RNLS: variants seen among roughly 807,000 people sequenced by gnomAD.
RNLS encodes renalase, FAD dependent amine oxidase, also known as renalase.
Under a neutral mutation model 39.8 loss-of-function variants are expected in RNLS, and 39 were observed. The ratio of observed to expected loss-of-function variants is 0.98; its 90% CI spans 0.76 to 1.28. RNLS has a LOEUF of 1.28. Ranked by LOEUF, RNLS falls within the 50% of genes most tolerant of loss-of-function variation. The pLI is 0.00. For synonymous variants in RNLS, 147 were observed against 150.7 expected, an observed-to-expected ratio of 0.98 and a Z score of 0.18; for missense variants, 410 against 413.3, an observed-to-expected ratio of 0.99 and a Z score of 0.07.
At chr10:88,480,819 G>GTA (rs1554903381) in intron 4 of RNLS, among the ~76,000 whole-genome samples, 42 of 151,418 alleles carry the variant, frequency 2.8e-4, no homozygotes, top group Admixed American at 5.3e-4. Context: ...GTGTGTGTGT[G>GTA]TATGTGTTCT....
Position 88,284,642 on chromosome 10 carries a change from T to C in RNLS, c.*712A>G, listed in dbSNP as rs1843146947. ...ATATAGCAAAAGGTAAGGATCGATA[T>C]ACTTTCTCTCTGTTTCTATTTAATT... On this transcript the variant is annotated 3_prime_UTR_variant, in exon 7 of 7. Transcript: ENST00000331772. 1 of 985,216 alleles carries C rather than the reference T, an allele frequency of 1.0e-6. No individual in the cohort carries two copies. Among genetic ancestry groups the C allele is most frequent in the Non-Finnish European group, 1.2e-6 (1 of 829,760 alleles). 61.0% of individuals were successfully genotyped at this position (985,216 alleles called of 1,614,324 possible).
intron 4 of RNLS, among the ~76,000 whole-genome samples, chr10:88,569,128 CT>C (rs1412052492): frequency 1.3e-5 from 2 of 152,148 alleles, no homozygotes; most frequent in African/African-American, 4.8e-5. Flanking sequence ...CCTTCTAGTT[CT>C]TTTTGTCAGG....
In RNLS at chr10:88,425,744, G is replaced by A. The variant is rs565989936; in HGVS notation, c.527-63019C>T. Among the ~76,000 whole-genome samples, 108 of 152,184 alleles carry A rather than the reference G, an allele frequency of 7.1e-4. 1 individual carries two copies. In the South Asian group the frequency reaches 8.5e-3, roughly 12 times the overall value. ...ATTGGTTTAGACATCAGCTGCTATA[G>A]AAGGTTAGAAAAAGGTGAAATGACT... On this transcript the variant is annotated intron_variant, in intron 4 of 6. Transcript: ENST00000331772.
the RNLS span, among the ~76,000 whole-genome samples, chr10:88,220,519 A>C: frequency 3.9e-5 from 6 of 152,214 alleles, no homozygotes; most frequent in Non-Finnish European, 1.5e-5. Flanking sequence ...TCTTCCTTTG[A>C]TAGATGAGAA....
In RNLS at chr10:88,522,204, GGTA is replaced by G. The variant is rs148666320; in HGVS notation, c.526+50696_526+50698del. On this transcript the variant is annotated intron_variant, in intron 4 of 6. Coordinates refer to ENST00000331772, the MANE Select transcript of RNLS (RefSeq NM_001031709.3). ...TTGTCAATACATTAATAGTTTGCATGGTAGTAGTACAGACAGTGCCTGAAATAA... is the reference window on the plus strand; with the variant it reads ...TTGTCAATACATTAATAGTTTGCATGGTAGTACAGACAGTGCCTGAAATAA... 3.6e-3 allele frequency among the ~76,000 whole-genome samples: 543 copies of G among 152,200 alleles called. 4 individuals carry two copies. The highest frequency in any genetic ancestry group is 0.027 in the Middle Eastern group (8 of 294).
intron 4 of RNLS, among the ~76,000 whole-genome samples, chr10:88,541,282 G>A (rs890349861): frequency 5.3e-5 from 8 of 152,108 alleles, no homozygotes; most frequent in Admixed American, 2.0e-4. Context: ...CGAAAGGAAC[G>A]ACATATCTGT....
At chr10:88,497,037 T>C (rs1302204267) in intron 4 of RNLS, among the ~76,000 whole-genome samples, 1 of 152,072 alleles carries the variant, frequency 6.6e-6, no homozygotes, top group Non-Finnish European at 1.5e-5. Context: ...GAACACATTA[T>C]GTAATGAGTC....
At chr10:88,432,619 T>G (rs1382743646) in intron 4 of RNLS, among the ~76,000 whole-genome samples, 1 of 152,036 alleles carries the variant, frequency 6.6e-6, no homozygotes, top group Non-Finnish European at 1.5e-5. Flanking sequence ...TTTGTTGATT[T>G]ATGAGCTATA....
intron 4 of RNLS, among the ~76,000 whole-genome samples, chr10:88,434,408 AC>A (rs1226734598): frequency 1.3e-5 from 2 of 152,184 alleles, no homozygotes; most frequent in Non-Finnish European, 2.9e-5. Flanking sequence ...TTTGGGTTCT[AC>A]ACTGTGAGGT....
At chr10:88,329,477 GA>G (rs1846917433) in intron 5 of RNLS, among the ~76,000 whole-genome samples, 1 of 147,948 alleles carries the variant, frequency 6.8e-6, no homozygotes, top group Non-Finnish European at 1.5e-5. Context: ...TTTAAGATTT[GA>G]GGTTTTTTTT....
At chr10:88,261,310 C>T in the RNLS span, among the ~76,000 whole-genome samples, 1 of 152,206 alleles carries the variant, frequency 6.6e-6, no homozygotes, top group East Asian at 1.9e-4. Flanking sequence ...ATTAGACACC[C>T]TCTGCCCCCC....
chr10:88,494,404 G>A (rs577456097), intron 4 of RNLS, among the ~76,000 whole-genome samples: 2 of 152,192 alleles, frequency 1.3e-5, no homozygotes, highest in South Asian at 4.2e-4. Flanking sequence ...AAAAGAATAA[G>A]TAAAGAGCTT....
chr10:88,494,826 T>A (rs1368916404), intron 4 of RNLS, among the ~76,000 whole-genome samples: 2 of 152,150 alleles, frequency 1.3e-5, no homozygotes, highest in Non-Finnish European at 2.9e-5. Context: ...TTTGGTTCTT[T>A]TAAATTAAAC....
At chr10:88,549,107 T>C (rs1314448025) in intron 4 of RNLS, among the ~76,000 whole-genome samples, 1 of 152,184 alleles carries the variant, frequency 6.6e-6, no homozygotes, top group Non-Finnish European at 1.5e-5. Flanking sequence ...GCTTTTGTCA[T>C]ATAGTTGTAG....
the RNLS span, among the ~76,000 whole-genome samples, chr10:88,198,825 C>T: frequency 0.13 from 20,472 of 152,190 alleles, 1,683 homozygotes; most frequent in Middle Eastern, 0.19. Context: ...TCATAAATAA[C>T]CCAGTGTCAA....
chr10:88,314,560 T>C lies in RNLS; in HGVS notation c.782A>G (p.Asp261Gly). ...GVTYLEHSIE[D>G]VQELVFQQLE... ...CTGCTGGAAGACTAACTCTTGCACATCCTCAATGCTGTGTTCCAAGTATGT... is the reference window on the plus strand; with the variant it reads ...CTGCTGGAAGACTAACTCTTGCACACCCTCAATGCTGTGTTCCAAGTATGT... Residue 261 changes from aspartate to glycine, a missense_variant, in exon 6 of 7, where the codon GAT becomes GGT. Transcript: ENST00000331772. The C allele has an allele frequency of 6.2e-7, 1 of 1,613,978 alleles. No individual in the cohort carries two copies. Among genetic ancestry groups the C allele is most frequent in the Non-Finnish European group, 8.5e-7 (1 of 1,179,882 alleles).
At chr10:88,227,757 T>A in the RNLS span, among the ~76,000 whole-genome samples, 2 of 152,218 alleles carry the variant, frequency 1.3e-5, no homozygotes, top group Non-Finnish European at 2.9e-5. Flanking sequence ...GCAGTTTATA[T>A]CATTCCTTGC....
chr10:88,505,051 C>T (rs908318731), intron 4 of RNLS, among the ~76,000 whole-genome samples: 4 of 151,992 alleles, frequency 2.6e-5, no homozygotes, highest in Middle Eastern at 6.8e-3. Flanking sequence ...GTCTTAGCAG[C>T]AATGACATTC....
At chr10:88,515,671 CATTA>C (rs1564864097) in intron 4 of RNLS, among the ~76,000 whole-genome samples, 1 of 152,034 alleles carries the variant, frequency 6.6e-6, no homozygotes, top group Non-Finnish European at 1.5e-5. Flanking sequence ...ATATTTCATT[CATTA>C]ATTATTGTAT....
Sources: gnomAD v4.1 joint callset for allele counts (sites outside exome capture counted in the v4.1 genomes callset) on GRCh38, gnomAD v4.1.1 for gene constraint, MANE v1.5 for transcripts, NCBI Gene and HGNC (gene_info 2026-07-23, HGNC 2026-07-21) for gene names.